Variants in CAPN8 observed in about 807,000 individuals in gnomAD.
CAPN8 encodes calpain-8.
CAPN8 carries 87 observed loss-of-function variants against 80.9 expected under a neutral mutation model. The ratio of observed to expected loss-of-function variants is 1.07; its 90% confidence interval spans 0.90 to 1.28. The LOEUF is 1.28. CAPN8 is among the 50% of genes most tolerant of loss of function. CAPN8 has a pLI of 0.00. For synonymous variants in CAPN8, 299 were observed against 273.8 expected, an observed-to-expected ratio of 1.09 and a Z score of -0.91; for missense variants, 757 against 702.0, an observed-to-expected ratio of 1.08 and a Z score of -0.89.
chr1:223,619,065 A>G (rs1044641195), intron 9 of CAPN8, among the ~76,000 whole-genome samples: 1 of 152,114 alleles, frequency 6.6e-6, no homozygotes, highest in Non-Finnish European at 1.5e-5. Flanking sequence ...ATGGTGGTGC[A>G]TGCCTGTGGT....
chr1:223,549,293 A>G, intron 16 of CAPN8, 25 bp downstream of exon 16: 1 of 1,544,474 alleles, frequency 6.5e-7, no homozygotes, highest in Non-Finnish European at 8.7e-7. Flanking sequence ...AAAAAAAAAA[A>G]AATAATGCAA....
chr1:223,661,369 C>T (rs1335659383), intron 1 of CAPN8, among the ~76,000 whole-genome samples: 2 of 152,130 alleles, frequency 1.3e-5, no homozygotes, highest in African/African-American at 4.8e-5. Context: ...GTGGCTCACA[C>T]CTGTAATCCT....
intron 1 of CAPN8, among the ~76,000 whole-genome samples, chr1:223,659,650 C>T (rs1203383720): frequency 1.3e-5 from 2 of 152,164 alleles, no homozygotes; most frequent in African/African-American, 4.8e-5. Flanking sequence ...CCCTGAACTC[C>T]CATACATTGT....
At position 223,628,046 on chromosome 1, in the gene CAPN8, C is replaced by T; in HGVS notation, c.523G>A (p.Glu175Lys). The change falls in exon 4 of 21, where the codon GAA becomes AAA. Residue 175 changes from glutamate (E) to lysine (K), a missense_variant. Transcript: ENST00000366872. ...TTCTCCAGCAGGGCACTCCAGAATT[C>T]ATTGCCTTGTTCCGAGTGTAGGAAG... Reference protein sequence around the residue: ...LLFLHSEQGNEFWSALLEKAY... With the variant: ...LLFLHSEQGNKFWSALLEKAY... The T allele has an allele frequency of 6.4e-7, 1 of 1,550,740 alleles. No homozygotes were observed. Among genetic ancestry groups the T allele is most frequent in the Middle Eastern group, 1.7e-4 (1 of 5,984 alleles).
rs915275622 is a variant in CAPN8, at chr1:223,616,158, C to G, written c.1136-13G>C. ...GTCCAGTACGTGGCTGGAAGTCACCCAGGTGATGGTGGTTCCCCACGTAGC... is the reference window on the plus strand; with the variant it reads ...GTCCAGTACGTGGCTGGAAGTCACCGAGGTGATGGTGGTTCCCCACGTAGC... On this transcript the variant is annotated splice_polypyrimidine_tract_variant and intron_variant, in intron 9 of 20. Coordinates refer to ENST00000366872, the MANE Select transcript of CAPN8 (RefSeq NM_001143962.2). 6.5e-7 allele frequency: 1 copy of G among 1,541,908 alleles called. No individual in the cohort carries two copies. The highest frequency in any genetic ancestry group is 8.8e-7 in the Non-Finnish European group (1 of 1,139,830).
intron 17 of CAPN8, 184 bp downstream of exon 17, chr1:223,545,047 G>A: frequency 4.3e-6 from 6 of 1,386,128 alleles, no homozygotes; most frequent in Non-Finnish European, 5.8e-6. Flanking sequence ...GAACAGCAGG[G>A]CTTTCAGGGC....
intron 2 of CAPN8, among the ~76,000 whole-genome samples, chr1:223,635,553 C>A (rs67213726): frequency 0.19 from 28,532 of 151,966 alleles, 2,784 homozygotes; most frequent in Middle Eastern, 0.22. Flanking sequence ...AAAATTCTTA[C>A]TGACTGAATT....
Position 223,622,842 on chromosome 1 carries a change from A to T in CAPN8, c.872T>A (p.Val291Glu). The change falls in exon 7 of 21, where the codon GTG (valine) becomes GAG (glutamate). Residue 291 changes from valine to glutamate, a missense_variant. Transcript: ENST00000366872. ...ATCGCTCCAGGCTCCCGACCACTCC[A>T]CTTCACCCCATGGATTCCTGAGTCT... is the stretch of plus-strand genomic sequence containing the variant. ...LIRLRNPWGEVEWSGAWSDDA... is the reference protein window; with the variant it reads ...LIRLRNPWGEEEWSGAWSDDA... The T allele has an allele frequency of 6.4e-7, 1 of 1,551,744 alleles. No individual in the cohort carries two copies. Among genetic ancestry groups the T allele is most frequent in the Non-Finnish European group, 8.7e-7 (1 of 1,147,002 alleles).
intron 16 of CAPN8, among the ~76,000 whole-genome samples, chr1:223,546,300 G>T (rs1193934921): frequency 6.6e-6 from 1 of 152,136 alleles, no homozygotes; most frequent in Non-Finnish European, 1.5e-5. Context: ...CAGGGGGATT[G>T]CTTGAGCCCA....
At chr1:223,549,790 T>C (rs1432145035) in intron 15 of CAPN8, among the ~76,000 whole-genome samples, 1 of 152,192 alleles carries the variant, frequency 6.6e-6, no homozygotes, top group Non-Finnish European at 1.5e-5. Flanking sequence ...GCTTGATATA[T>C]GATAAGTTCT....
intron 2 of CAPN8, among the ~76,000 whole-genome samples, chr1:223,629,130 G>T (rs1307389569): frequency 6.6e-6 from 1 of 151,886 alleles, no homozygotes; most frequent in Non-Finnish European, 1.5e-5. Context: ...CTTATTAGCA[G>T]CTCTGATTAA....
At chr1:223,639,828 G>A (rs1043005935) in intron 2 of CAPN8, among the ~76,000 whole-genome samples, 7 of 152,218 alleles carry the variant, frequency 4.6e-5, no homozygotes, top group Non-Finnish European at 8.8e-5. Flanking sequence ...TGCCAGACAA[G>A]TAAAGCTGAG....
chr1:223,644,153 G>T, intron 2 of CAPN8: 1 of 355,770 alleles, frequency 2.8e-6, no homozygotes, highest in Non-Finnish European at 5.4e-6. Context: ...TCTCCTTTTA[G>T]CATGATCCAA....
intron 2 of CAPN8, among the ~76,000 whole-genome samples, chr1:223,641,243 T>G (rs1190278284): frequency 6.6e-6 from 1 of 152,200 alleles, no homozygotes; most frequent in Non-Finnish European, 1.5e-5. Flanking sequence ...TCATTCCTTG[T>G]TCAAAGAGCT....
In CAPN8 at chr1:223,627,118, T is replaced by C. The variant is rs1657610648; in HGVS notation, c.600A>G (p.Thr200=). The change falls in exon 5 of 21, where the codon ACA becomes ACG. Residue 200 remains threonine (T), a synonymous_variant. Transcript: ENST00000366872. ...CTGTGAAATCCTCAAACCCCTCCAC[T>C]GTGGAACCTCCAGCGAGAGCCTCAT... ...GCYEALAGGS[T]VEGFEDFTGG... 1.9e-6 allele frequency: 3 copies of C among 1,552,350 alleles called. No homozygotes were observed. The highest frequency in any genetic ancestry group is 2.6e-6 in the Non-Finnish European group (3 of 1,147,142).
In CAPN8 at chr1:223,622,590, A is replaced by T. The variant is rs991057272; in HGVS notation, c.899+225T>A. The T allele has an allele frequency of 9.0e-6, 5 of 554,096 alleles. No homozygotes were observed. The Admixed American group carries it at 1.7e-4, about 19-fold the overall frequency. The allele number at this position is 554,096 out of a possible 1,614,324, so 34.3% of individuals were successfully genotyped here. On this transcript the variant is annotated intron_variant, in intron 7 of 20. Transcript: ENST00000366872. ...AATTCCACAGAGCCGCCAAACTTTC[A>T]AATGCCAAAGCAGAAAGCCAGAATC...
At chr1:223,620,372 A>G (rs1049530637) in intron 7 of CAPN8, 106 bp from the exon 8 acceptor site, 2 of 951,666 alleles carry the variant, frequency 2.1e-6, no homozygotes, top group African/African-American at 1.6e-5. Flanking sequence ...ACAAAATACC[A>G]AAAGCACTGC....
rs909510749 is a variant in CAPN8, at chr1:223,627,027, C to T, written c.691G>A (p.Ala231Thr). The change falls in exon 5 of 21, where the codon GCC (alanine) becomes ACC (threonine). Residue 231 changes from alanine (A) to threonine (T), a missense_variant. Physicochemically the swap from Ala to Thr is moderately conservative, Grantham distance 58. Coordinates refer to ENST00000366872, the MANE Select transcript of CAPN8 (RefSeq NM_001143962.2). ...PANLYQIIRKALCAGSLLGCS... is the reference protein window; with the variant it reads ...PANLYQIIRKTLCAGSLLGCS... The stretch of plus-strand genomic sequence containing the variant: ...CCCAGCAGAGACCCCGCACAGAGGG[C>T]CTTCCGGATGATCTGATATAGATTG... 1.9e-6 allele frequency: 3 copies of T among 1,551,780 alleles called. No individual in the cohort carries two copies. In the African/African-American group the frequency reaches 4.1e-5, roughly 21 times the overall value.
intron 2 of CAPN8, among the ~76,000 whole-genome samples, chr1:223,637,312 C>T (rs749061702): frequency 1.3e-5 from 2 of 152,208 alleles, no homozygotes; most frequent in Non-Finnish European, 2.9e-5. Flanking sequence ...CACTCCACCT[C>T]TGCCCTTTCC....
Sources: gnomAD v4.1 joint callset for allele counts (sites outside exome capture counted in the v4.1 genomes callset) on GRCh38, gnomAD v4.1.1 for gene constraint, MANE v1.5 for transcripts, NCBI Gene and HGNC (gene_info 2026-07-23, HGNC 2026-07-21) for gene names.